The following SLC2A5 variants were observed in gnomAD, a reference collection of about 807,000 sequenced individuals.
SLC2A5 encodes solute carrier family 2, facilitated glucose transporter member 5.
Under a neutral mutation model 50.3 loss-of-function variants are expected in SLC2A5, and 56 were observed. The observed-to-expected ratio is 1.11, with a 90% CI of 0.90 to 1.39. The LOEUF (loss-of-function observed/expected upper bound fraction) is 1.39. Ranked by LOEUF, SLC2A5 falls within the 40% of genes most tolerant of loss-of-function variation. SLC2A5 has a pLI of 0.00. For missense variants in SLC2A5, 566 were observed against 650.1 expected (o/e 0.87, Z 1.41); for synonymous variants, 269 against 281.9 (o/e 0.95, Z 0.46).
At chr1:9,084,051 G>T (rs1642380717) in intron 2 of SLC2A5, among the ~76,000 whole-genome samples, 1 of 152,098 alleles carries the variant, frequency 6.6e-6, no homozygotes, top group South Asian at 2.1e-4. Context: ...GGCTGAGGCA[G>T]GAGCATGGCG....
At chr1:9,071,699 G>T (rs1429074729), upstream of SLC2A5, 1 of 152,336 alleles carries the variant, frequency 6.6e-6, no homozygotes, top group African/African-American at 2.4e-5. Flanking sequence ...ACAGGGCGTC[G>T]CAAGCACAGC....
Position 9,047,659 on chromosome 1 carries a change from T to C in SLC2A5, c.369A>G (p.Thr123=), listed in dbSNP as rs1471831178. 2 of 1,613,962 alleles carry C rather than the reference T, an allele frequency of 1.2e-6. No homozygotes were observed. The highest frequency in any genetic ancestry group is 2.7e-5 in the African/African-American group (2 of 74,920). Residue 123 remains threonine, a synonymous_variant, in exon 4 of 12, where the codon ACA becomes ACG. Transcript: ENST00000377424. ...TGGAAATAATGATAAGCTCAAATGA[T>C]GTGGCGACTCTGCTGCATCCCATTA... ...AILMGCSRVA[T]SFELIIISRL...
intron 3 of SLC2A5, among the ~76,000 whole-genome samples, chr1:9,053,360 TTATATATTTATATATTA>T (rs1263302099): frequency 1.3e-5 from 1 of 77,060 alleles, no homozygotes; most frequent in Non-Finnish European, 2.3e-5. Context: ...TTTATATATA[TTATATATTTATATATTA>T]TATATATTTA....
At chr1:9,087,901 A>C (rs1207042008) in intron 1 of SLC2A5, among the ~76,000 whole-genome samples, 2 of 151,994 alleles carry the variant, frequency 1.3e-5, no homozygotes, top group Non-Finnish European at 2.9e-5. Flanking sequence ...TGCCAATTCC[A>C]ACTGGAACAT....
At chr1:9,042,192 C>T (rs944438989) in intron 4 of SLC2A5, among the ~76,000 whole-genome samples, 13 of 152,204 alleles carry the variant, frequency 8.5e-5, no homozygotes, top group Admixed American at 2.0e-4. Context: ...GCTGGATCTA[C>T]GGCCTTCCCG....
chr1:9,053,931 A>G (rs796576881), intron 3 of SLC2A5, among the ~76,000 whole-genome samples: 26 of 152,102 alleles, frequency 1.7e-4, no homozygotes, highest in African/African-American at 5.8e-4. Context: ...AAAACTATAA[A>G]AGTTATCTAA....
upstream of SLC2A5, chr1:9,069,783 G>A: frequency 1.8e-6 from 1 of 552,412 alleles, no homozygotes; most frequent in Non-Finnish European, 3.3e-6. Context: ...TGCAGGCCCA[G>A]CATTGTCCTG....
intron 1 of SLC2A5, among the ~76,000 whole-genome samples, chr1:9,059,159 T>TTTTTTTC (rs1641838203): frequency 1.1e-5 from 1 of 91,854 alleles, no homozygotes; most frequent in Non-Finnish European, 2.1e-5. Context: ...TTTTTTTTTT[T>TTTTTTTC]TGACACAGAG....
At chr1:9,071,834 CG>C (rs1040078451), upstream of SLC2A5, 3 of 152,078 alleles carry the variant, frequency 2.0e-5, no homozygotes, top group African/African-American at 7.2e-5. Flanking sequence ...CTCTGCCTGG[CG>C]GGCCTGCGGG....
intron 5 of SLC2A5, 165 bp downstream of exon 5, chr1:9,041,620 G>A: frequency 6.8e-7 from 1 of 1,475,654 alleles, no homozygotes; most frequent in South Asian, 1.4e-5. Context: ...TCCATGGCCT[G>A]CTATGTTGGC....
At chr1:9,059,565 TC>T (rs1227914659) in intron 1 of SLC2A5, among the ~76,000 whole-genome samples, 1 of 89,346 alleles carries the variant, frequency 1.1e-5, no homozygotes, top group African/African-American at 4.5e-5. Context: ...CTGAGACATT[TC>T]TTGCCCTGGC....
upstream of SLC2A5, among the ~76,000 whole-genome samples, chr1:9,093,181 G>A (rs544761787): frequency 6.6e-6 from 1 of 152,156 alleles, no homozygotes; most frequent in East Asian, 1.9e-4. Flanking sequence ...CTGGGTTCTA[G>A]TAAAAGATCT....
In SLC2A5 at chr1:9,036,093, C is replaced by T. The variant is rs1358040829; in HGVS notation, c.*1493G>A. On this transcript the variant is annotated 3_prime_UTR_variant, in exon 12 of 12. Coordinates refer to ENST00000377424, the MANE Select transcript of SLC2A5 (RefSeq NM_003039.3). ...AAGACCCTGTTCCTTTTCCCTTCCT[C>T]CCCCACCACAGTCTCAAGATTTTAA... 1 of 152,190 alleles carries T rather than the reference C, an allele frequency of 6.6e-6. No homozygotes were observed. Among genetic ancestry groups the T allele is most frequent in the African/African-American group, 2.4e-5 (1 of 41,452 alleles). 9.4% of individuals were successfully genotyped at this position (152,190 alleles called of 1,614,324 possible).
upstream of SLC2A5, chr1:9,072,224 A>G (rs924393424): frequency 1.3e-5 from 2 of 152,252 alleles, no homozygotes; most frequent in Admixed American, 6.5e-5. Flanking sequence ...AGACTGTGAG[A>G]AGCCTAGTGG....
At chr1:9,047,511 A>G (rs1641465157) in intron 4 of SLC2A5, 99 bp downstream of exon 4, 2 of 1,292,454 alleles carry the variant, frequency 1.5e-6, no homozygotes, top group South Asian at 2.8e-5. Context: ...CGCTTTCTAC[A>G]CGCTTCAGAC....
At position 9,062,596 on chromosome 1, in the gene SLC2A5, G is replaced by T. The variant is rs553049455; in HGVS notation, c.34-4346C>A. On this transcript the variant is annotated intron_variant, in intron 1 of 11. Transcript: ENST00000377424. ...CTTTAAAAAAATTACTCCAGGCTGG[G>T]CACAGTGGCTCACACCTGTAATCCC... is the stretch of plus-strand genomic sequence containing the variant. Among the ~76,000 whole-genome samples, 6 of 152,166 alleles carry T rather than the reference G, an allele frequency of 3.9e-5. No individual in the cohort carries two copies. In the East Asian group the frequency reaches 5.8e-4, roughly 15 times the overall value.
At chr1:9,060,165 C>T (rs1476245581) in intron 1 of SLC2A5, among the ~76,000 whole-genome samples, 1 of 149,562 alleles carries the variant, frequency 6.7e-6, no homozygotes, top group African/African-American at 2.5e-5. Flanking sequence ...ACACACTACA[C>T]ACTACATACA....
intron 3 of SLC2A5, among the ~76,000 whole-genome samples, chr1:9,053,260 TA>T (rs1641644426): frequency 7.1e-5 from 1 of 14,112 alleles, no homozygotes; most frequent in African/African-American, 3.8e-4. Context: ...TTATATATTA[TA>T]TATTTATATT....
intron 1 of SLC2A5, among the ~76,000 whole-genome samples, chr1:9,065,024 G>C (rs1417120107): frequency 1.3e-5 from 2 of 148,374 alleles, no homozygotes; most frequent in East Asian, 2.0e-4. Context: ...TTGCACTCCA[G>C]GATGGGCAAC....
Sources: allele counts gnomAD v4.1 joint callset (sites outside exome capture counted in the v4.1 genomes callset), GRCh38; gene constraint gnomAD v4.1.1; transcripts MANE v1.5; gene names NCBI Gene and HGNC (gene_info 2026-07-23, HGNC 2026-07-21).